The following PCDHGA4 variants were observed in gnomAD, a reference collection of about 807,000 sequenced individuals.
PCDHGA4 encodes the protein protocadherin gamma subfamily A, 4, also known as protocadherin gamma-A4.
PCDHGA4 carries 38 observed loss-of-function variants against 54.6 expected under a neutral mutation model. The ratio of observed to expected loss-of-function variants is 0.70; its 90% CI spans 0.54 to 0.91. The LOEUF is 0.91. PCDHGA4 is among the 40% of genes least tolerant of loss of function. The probability of loss-of-function intolerance (pLI) is 0.00; values close to 1 mark genes in which losing one functional copy is unlikely to be tolerated. For synonymous variants in PCDHGA4, 511 were observed against 512.9 expected (o/e 1.00, Z 0.05); for missense variants, 1,298 against 1,220.9 (o/e 1.06, Z -0.94).
At chr5:141,500,167 A>C (rs976308963) in intron 2 of PCDHGA4, among the ~76,000 whole-genome samples, 1 of 150,656 alleles carries the variant, frequency 6.6e-6, no homozygotes, top group African/African-American at 2.4e-5. Context: ...AAGAACATGC[A>C]TGAGCTTCAT....
rs768767029 is a variant in PCDHGA4, at chr5:141,477,838, G to A, written c.2515-16969G>A. The A allele has an allele frequency of 6.2e-7, 1 of 1,612,892 alleles. No individual in the cohort carries two copies. The highest frequency in any genetic ancestry group is 1.1e-5 in the South Asian group (1 of 90,982). ...AGGTCCTATATCCTCGGCCAGGTGG[G>A]AGCTCGGTGGAGATGCTGCCTCGAG... On this transcript the variant is annotated intron_variant, in intron 1 of 3. Transcript: ENST00000571252. This position sits in a 1 kb window ranked among gnomAD's most constrained non-coding sequence, Gnocchi z 4.9.
In PCDHGA4 at chr5:141,431,675, G is replaced by A. The variant is rs778040824; in HGVS notation, c.2515-63132G>A. Reference sequence around the variant, plus strand: ...TTCAGGGACAATATCAACAATAGGGGAGTTGGACCACGAGGAGTCAGGATT... The same window carrying A: ...TTCAGGGACAATATCAACAATAGGGAAGTTGGACCACGAGGAGTCAGGATT... On this transcript the variant is annotated intron_variant, in intron 1 of 3. Coordinates refer to ENST00000571252, the MANE Select transcript of PCDHGA4 (RefSeq NM_018917.4). The surrounding 1 kb of genome is among the most constrained non-coding windows in gnomAD (Gnocchi z 4.8). 5.6e-6 allele frequency: 9 copies of A among 1,614,230 alleles called. No homozygotes were observed. Among genetic ancestry groups the A allele is most frequent in the Admixed American group, 1.7e-5 (1 of 60,028 alleles).
At chr5:141,499,570 A>C (rs1027373056) in intron 2 of PCDHGA4, among the ~76,000 whole-genome samples, 2 of 152,200 alleles carry the variant, frequency 1.3e-5, no homozygotes, top group Non-Finnish European at 2.9e-5. Flanking sequence ...TCCAGCTTCA[A>C]CTAATGCCTT....
chr5:141,457,649 A>C (rs1303184316), intron 1 of PCDHGA4, among the ~76,000 whole-genome samples: 1 of 152,282 alleles, frequency 6.6e-6, no homozygotes, highest in Non-Finnish European at 1.5e-5. Context: ...TATTTGCATG[A>C]AGTGCAGCAA....
intron 1 of PCDHGA4, among the ~76,000 whole-genome samples, chr5:141,474,294 G>A (rs535055214): frequency 1.3e-5 from 2 of 152,296 alleles, no homozygotes; most frequent in African/African-American, 4.8e-5. Context: ...CTAGATCAGT[G>A]CTTGTCAAAC....
chr5:141,399,355 C>A (rs1437917208), intron 1 of PCDHGA4: 1 of 1,614,006 alleles, frequency 6.2e-7, no homozygotes, highest in South Asian at 1.1e-5. Flanking sequence ...AGACCGAGAG[C>A]AAACCCCGGA....
chr5:141,465,142 T>TCCCTAA (rs2099097979), intron 1 of PCDHGA4, among the ~76,000 whole-genome samples: 3 of 151,990 alleles, frequency 2.0e-5, no homozygotes, highest in Non-Finnish European at 4.4e-5. Flanking sequence ...GTTTAGGGGA[T>TCCCTAA]ATATGAAGGG....
At chr5:141,375,357 C>T in intron 1 of PCDHGA4, 3 of 1,613,858 alleles carry the variant, frequency 1.9e-6, no homozygotes, top group African/African-American at 1.3e-5. Flanking sequence ...GTGACAGCCA[C>T]GGACAAAGGA....
rs768206517 is a variant in PCDHGA4 at position 141,432,482 on chromosome 5, G to C, written c.2515-62325G>C. 6.2e-7 allele frequency: 1 copy of C among 1,614,178 alleles called. No individual in the cohort carries two copies. Among genetic ancestry groups the C allele is most frequent in the South Asian group, 1.1e-5 (1 of 91,074 alleles). ...CCTCCCCACGGACGGTTCCACTGGC[G>C]TGGAGCTGGCTCCCCGCTCCGCAGA... On this transcript the variant is annotated intron_variant, in intron 1 of 3. Coordinates refer to ENST00000571252, the MANE Select transcript of PCDHGA4 (RefSeq NM_018917.4). The surrounding 1 kb of genome is among the most constrained non-coding windows in gnomAD (Gnocchi z 6.0).
chr5:141,410,976 C>G (rs750121743), intron 1 of PCDHGA4: 28 of 178,158 alleles, frequency 1.6e-4, no homozygotes, highest in Non-Finnish European at 2.6e-4. Context: ...GCCTCAGCCT[C>G]CCAAGTAGCT....
chr5:141,419,651 TC>T, intron 1 of PCDHGA4: 28 of 1,612,632 alleles, frequency 1.7e-5, no homozygotes, highest in Non-Finnish European at 2.3e-5. Flanking sequence ...GGACGCGGAC[TC>T]GGGGCACAAT....
chr5:141,462,431 T>G (rs1345184304), intron 1 of PCDHGA4, among the ~76,000 whole-genome samples: 1 of 152,246 alleles, frequency 6.6e-6, no homozygotes, highest in East Asian at 1.9e-4. Context: ...TGGTGAGTGT[T>G]GCTTACACAC....
intron 1 of PCDHGA4, chr5:141,410,374 G>A: frequency 6.2e-7 from 1 of 1,613,976 alleles, no homozygotes; most frequent in Non-Finnish European, 8.5e-7. Flanking sequence ...CTGCTACTTG[G>A]GACTGCTTCC....
chr5:141,355,039 C>A lies in PCDHGA4; in HGVS notation c.-69C>A. On this transcript the variant is annotated 5_prime_UTR_variant, in exon 1 of 4. Coordinates refer to ENST00000571252, the MANE Select transcript of PCDHGA4 (RefSeq NM_018917.4). ...TTTAATCAGAATCACAAGATTTCTG[C>A]AGCACAAAGCACTGGCTCTGGAGCT... 9.6e-7 allele frequency: 1 copy of A among 1,045,502 alleles called. No homozygotes were observed. Among genetic ancestry groups the A allele is most frequent in the Non-Finnish European group, 1.3e-6 (1 of 757,626 alleles). The allele number at this position is 1,045,502 out of a possible 1,614,324, so 64.8% of individuals were successfully genotyped here.
chr5:141,434,455 G>A (rs2097695575), intron 1 of PCDHGA4, among the ~76,000 whole-genome samples: 1 of 152,192 alleles, frequency 6.6e-6, no homozygotes, highest in Admixed American at 6.5e-5. Context: ...GAAGGTAGTG[G>A]GTTTACCGGA....
chr5:141,477,059 A>T lies in PCDHGA4; in HGVS notation c.2515-17748A>T. The T allele has an allele frequency of 6.2e-7, 1 of 1,614,238 alleles. No homozygotes were observed. Among genetic ancestry groups the T allele is most frequent in the Non-Finnish European group, 8.5e-7 (1 of 1,180,036 alleles). ...CAAGGGTCGGCTGGACTTCGAGGAC[A>T]CCAAACTCCATGAGATTTACATCCA... On this transcript the variant is annotated intron_variant, in intron 1 of 3. Transcript: ENST00000571252. The surrounding 1 kb of genome is among the most constrained non-coding windows in gnomAD (Gnocchi z 4.9).
Position 141,487,247 on chromosome 5 carries a change from T to C in PCDHGA4, c.2515-7560T>C. Reference sequence around the variant, plus strand: ...GGAAGGAGAATCTCGTCTAACCCTCTACTTGGCTGTGTCCCTAGTGGCAAT... The same window carrying C: ...GGAAGGAGAATCTCGTCTAACCCTCCACTTGGCTGTGTCCCTAGTGGCAAT... On this transcript the variant is annotated intron_variant, in intron 1 of 3. Transcript: ENST00000571252. This position sits in a 1 kb window ranked among gnomAD's most constrained non-coding sequence, Gnocchi z 5.0. 1 of 1,614,174 alleles carries C rather than the reference T, an allele frequency of 6.2e-7. No individual in the cohort carries two copies. The highest frequency in any genetic ancestry group is 1.3e-5 in the African/African-American group (1 of 75,048).
intron 1 of PCDHGA4, among the ~76,000 whole-genome samples, chr5:141,358,752 C>T (rs1761009011): frequency 6.6e-6 from 1 of 152,170 alleles, no homozygotes. Context: ...TTTCTCTTGT[C>T]ATCATGTGAG....
rs147564249 is a variant in PCDHGA4, at chr5:141,432,378, C to T, written c.2515-62429C>T. 1 of 1,614,234 alleles carries T rather than the reference C, an allele frequency of 6.2e-7. No homozygotes were observed. Among genetic ancestry groups the T allele is most frequent in the Non-Finnish European group, 8.5e-7 (1 of 1,180,044 alleles). ...GTGATGGCGCGGGACAACGGGCACCCGCCCCTCAGCAGCAACGTGTCGTTG... is the reference window on the plus strand; with the variant it reads ...GTGATGGCGCGGGACAACGGGCACCTGCCCCTCAGCAGCAACGTGTCGTTG... On this transcript the variant is annotated intron_variant, in intron 1 of 3. Coordinates refer to ENST00000571252, the MANE Select transcript of PCDHGA4 (RefSeq NM_018917.4). This position sits in a 1 kb window ranked among gnomAD's most constrained non-coding sequence, Gnocchi z 6.0.
Sources: gnomAD v4.1 joint callset for allele counts (sites outside exome capture counted in the v4.1 genomes callset) on GRCh38, gnomAD v4.1.1 for gene constraint, Gnocchi (gnomAD v3.1) non-coding constraint, MANE v1.5 for transcripts, NCBI Gene and HGNC (gene_info 2026-07-23, HGNC 2026-07-21) for gene names.